BICD1: variants seen among roughly 807,000 people sequenced by gnomAD.
The protein encoded by BICD1 is BICD cargo adaptor 1.
Under a neutral mutation model 92.5 loss-of-function variants are expected in BICD1, and 35 were observed. That is an observed-to-expected ratio of 0.38 (90% CI 0.29 to 0.50). BICD1 has a LOEUF of 0.50. Among genes scored for constraint, BICD1 ranks in the 20% least tolerant of loss-of-function variants. BICD1 has a pLI of 0.93. For missense variants in BICD1, 950 were observed against 1,189.8 expected (o/e 0.80, Z 2.97); for synonymous variants, 429 against 465.1 (o/e 0.92, Z 1.00).
chr12:32,209,224 T>C (rs1836983956), intron 1 of BICD1, among the ~76,000 whole-genome samples: 1 of 152,238 alleles, frequency 6.6e-6, no homozygotes, highest in Non-Finnish European at 1.5e-5. Context: ...TTATTAATAC[T>C]TCATTTAAAA....
At chr12:32,363,642 A>C (rs2136324862) in intron 8 of BICD1, among the ~76,000 whole-genome samples, 1 of 152,300 alleles carries the variant, frequency 6.6e-6, no homozygotes, top group South Asian at 2.1e-4. Flanking sequence ...CTAACCACTT[A>C]GATTTAGTTG....
At chr12:32,173,002 A>T (rs941142913) in intron 1 of BICD1, among the ~76,000 whole-genome samples, 1 of 152,104 alleles carries the variant, frequency 6.6e-6, no homozygotes, top group South Asian at 2.1e-4. Context: ...CTCAGCTCCC[A>T]GCTGACTGCC....
chr12:32,213,188 C>T (rs1209388541), intron 1 of BICD1, among the ~76,000 whole-genome samples: 2 of 152,172 alleles, frequency 1.3e-5, no homozygotes, highest in Admixed American at 6.5e-5. Flanking sequence ...TTACTTGTCA[C>T]GTCTTGTTAG....
rs187011016 is a variant in BICD1, at chr12:32,337,699, G to A, written c.2453G>A (p.Ser818Asn). ...AAACTTGGAAAGAGCAAGATCGGCA[G>A]CCCTAAAGTAAGTGGGGAGGCATCA... ...KGKLGKSKIGSPKVSGEASVT... is the reference protein window; with the variant it reads ...KGKLGKSKIGNPKVSGEASVT... Residue 818 changes from serine (S) to asparagine (N), a missense_variant, in exon 7 of 10, where the codon AGC becomes AAC. By Grantham distance (46) the Ser-to-Asn change is conservative (BLOSUM62 1). Around this residue, in one of 5 missense-constraint regions of BICD1, gnomAD observed 309 missense variants for 499.4 expected, o/e 0.62. Transcript: ENST00000652176. This position sits in a 1 kb window ranked among gnomAD's most constrained non-coding sequence, Gnocchi z 4.7. The A allele has an allele frequency of 8.1e-6, 13 of 1,614,176 alleles. No homozygotes were observed. The East Asian group carries it at 2.5e-4, about 30-fold the overall frequency.
At chr12:32,354,364 G>C (rs1939016508) in intron 8 of BICD1, among the ~76,000 whole-genome samples, 1 of 152,154 alleles carries the variant, frequency 6.6e-6, no homozygotes, top group Non-Finnish European at 1.5e-5. Flanking sequence ...TGTGAAGGAG[G>C]AACCAGATGC....
chr12:32,156,659 G>A (rs1246039624), intron 1 of BICD1, among the ~76,000 whole-genome samples: 2 of 152,168 alleles, frequency 1.3e-5, no homozygotes, highest in African/African-American at 4.8e-5. Context: ...TTCCTGAAGA[G>A]CTGTTAACTG....
At chr12:32,111,742 A>G (rs1295878925) in intron 1 of BICD1, among the ~76,000 whole-genome samples, 2 of 151,028 alleles carry the variant, frequency 1.3e-5, no homozygotes, top group Admixed American at 1.3e-4. Flanking sequence ...GGAGTAGCTG[A>G]GACTACACGC....
chr12:32,325,258 G>A (rs1022472368), intron 4 of BICD1, among the ~76,000 whole-genome samples: 3 of 152,032 alleles, frequency 2.0e-5, no homozygotes, highest in African/African-American at 7.2e-5. Flanking sequence ...TAGGAGACAA[G>A]ACAAGGCAAC....
At chr12:32,372,802 A>G (rs1939787666) in intron 9 of BICD1, among the ~76,000 whole-genome samples, 2 of 152,144 alleles carry the variant, frequency 1.3e-5, no homozygotes, top group Non-Finnish European at 2.9e-5. Flanking sequence ...GTTTCAGCCT[A>G]GGAGTTCAAG....
At position 32,338,855 on chromosome 12, in the gene BICD1, A is replaced by C. The variant is rs758400791; in HGVS notation, c.2640A>C (p.Leu880Phe). The stretch of plus-strand genomic sequence containing the variant: ...CAGGGGCTTCCTACCTACAGAATTT[A>C]TTAAGAGTTCCCCCTGATCCCACCT... ...RTSGASYLQN[L>F]LRVPPDPTST... The change falls in exon 8 of 10, where the codon TTA becomes TTC. Residue 880 changes from leucine to phenylalanine, a missense_variant. Leu to Phe is a conservative substitution (Grantham distance 22). Around this residue, in one of 5 missense-constraint regions of BICD1, gnomAD observed 179 missense variants for 186.7 expected, o/e 0.96. Transcript: ENST00000652176. 9 of 1,605,474 alleles carry C rather than the reference A, an allele frequency of 5.6e-6. No individual in the cohort carries two copies. The highest frequency in any genetic ancestry group is 1.3e-5 in the African/African-American group (1 of 74,514).
chr12:32,176,272 T>G (rs1251310104), intron 1 of BICD1, among the ~76,000 whole-genome samples: 1 of 152,234 alleles, frequency 6.6e-6, no homozygotes, highest in African/African-American at 2.4e-5. Flanking sequence ...GTTCATTTTA[T>G]GTTTTTTGAG....
intron 1 of BICD1, among the ~76,000 whole-genome samples, chr12:32,155,990 C>A (rs1592387134): frequency 6.6e-6 from 1 of 152,176 alleles, no homozygotes; most frequent in African/African-American, 2.4e-5. Context: ...ATTTATAGAT[C>A]TGTGTGGACA....
At chr12:32,163,702 T>C (rs1408343574) in intron 1 of BICD1, among the ~76,000 whole-genome samples, 1 of 152,230 alleles carries the variant, frequency 6.6e-6, no homozygotes, top group Non-Finnish European at 1.5e-5. Flanking sequence ...GTCATGTCTT[T>C]GGAACATAGA....
rs965468792 is a variant in BICD1, at chr12:32,320,550, G to A, written c.1006-6911G>A. 5.9e-5 allele frequency among the ~76,000 whole-genome samples: 9 copies of A among 152,286 alleles called. 1 individual carries two copies. In the South Asian group the frequency reaches 1.7e-3, roughly 28 times the overall value. On this transcript the variant is annotated intron_variant, in intron 4 of 9. Coordinates refer to ENST00000652176, the MANE Select transcript of BICD1 (RefSeq NM_001714.4). ...CCAGCTACTCGGGAGGCTGAGGCAG[G>A]AGAATTGCTTGAACTGGGAGGCAGA... is the stretch of plus-strand genomic sequence containing the variant.
rs554122222 is a variant in BICD1 at position 32,325,812 on chromosome 12, C to G, written c.1006-1649C>G. Among the ~76,000 whole-genome samples the G allele has an allele frequency of 1.8e-3, 267 of 152,086 alleles. 3 individuals are homozygous for G. The highest frequency in any genetic ancestry group is 6.1e-3 in the African/African-American group (254 of 41,486). On this transcript the variant is annotated intron_variant, in intron 4 of 9. Transcript: ENST00000652176. Reference sequence around the variant, plus strand: ...GAATTGGGCCAGGCGCGGTGGCTCACGCCTATAATCTTTGGGAGTGTAATC... The same window carrying G: ...GAATTGGGCCAGGCGCGGTGGCTCAGGCCTATAATCTTTGGGAGTGTAATC...
At chr12:32,349,247 G>C (rs1456538032) in intron 8 of BICD1, among the ~76,000 whole-genome samples, 1 of 152,144 alleles carries the variant, frequency 6.6e-6, no homozygotes, top group African/African-American at 2.4e-5. Flanking sequence ...ATATTCAACT[G>C]TTTGCCCCCA....
intron 2 of BICD1, among the ~76,000 whole-genome samples, chr12:32,263,406 G>A (rs985871404): frequency 1.3e-5 from 2 of 151,968 alleles, no homozygotes; most frequent in Non-Finnish European, 2.9e-5. Flanking sequence ...AATTGGCCAG[G>A]TGTGGTGGTG....
intron 1 of BICD1, among the ~76,000 whole-genome samples, chr12:32,145,000 T>C (rs1049605461): frequency 1.3e-5 from 2 of 152,198 alleles, no homozygotes; most frequent in Non-Finnish European, 2.9e-5. Context: ...TCTTTTCTGA[T>C]GGTTGAATAA....
At chr12:32,294,168 G>A (rs1947799005) in intron 3 of BICD1, 22 bp downstream of exon 3, 3 of 1,577,780 alleles carry the variant, frequency 1.9e-6, no homozygotes, top group African/African-American at 1.4e-5. Context: ...GAAATTTTTT[G>A]TTATACTGAA....
Sources: gnomAD v4.1 joint callset for allele counts (sites outside exome capture counted in the v4.1 genomes callset) on GRCh38, gnomAD v4.1.1 for gene constraint, gnomAD v4.1.1 regional missense constraint, Gnocchi (gnomAD v3.1) non-coding constraint, MANE v1.5 for transcripts, NCBI Gene and HGNC (gene_info 2026-07-23, HGNC 2026-07-21) for gene names.